SDK1: variants seen among roughly 807,000 people sequenced by gnomAD.
SDK1 encodes protein sidekick-1.
SDK1 carries 157 observed loss-of-function variants against 245.5 expected under a neutral mutation model. The observed-to-expected ratio is 0.64, with a 90% CI of 0.56 to 0.73. The LOEUF is 0.73. Ranked by LOEUF, SDK1 falls within the 30% of genes least tolerant of loss-of-function variation. SDK1 has a pLI of 0.00. For missense variants in SDK1, 3,583 were observed against 3,002.3 expected, an observed-to-expected ratio of 1.19 and a Z score of -4.52; for synonymous variants, 1,647 against 1,278.5, an observed-to-expected ratio of 1.29 and a Z score of -6.15.
intron 1 of SDK1, among the ~76,000 whole-genome samples, chr7:3,597,406 G>T (rs1781101588): frequency 6.6e-6 from 1 of 151,858 alleles, no homozygotes; most frequent in Non-Finnish European, 1.5e-5. Context: ...GTGTCATAAA[G>T]AGACTGAAAC....
intron 36 of SDK1, among the ~76,000 whole-genome samples, chr7:4,206,974 C>T (rs1441084205): frequency 1.3e-5 from 2 of 152,200 alleles, no homozygotes; most frequent in African/African-American, 4.8e-5. Flanking sequence ...GGAGGCATGG[C>T]GCTATTTATG....
At chr7:4,154,470 A>AT (rs1340449129) in intron 30 of SDK1, among the ~76,000 whole-genome samples, 4 of 152,286 alleles carry the variant, frequency 2.6e-5, no homozygotes, top group African/African-American at 9.6e-5. Flanking sequence ...GAGGTGAGGC[A>AT]TGGGGAATGA....
intron 1 of SDK1, among the ~76,000 whole-genome samples, chr7:3,313,188 C>G (rs1779589745): frequency 6.6e-6 from 1 of 152,178 alleles, no homozygotes. Flanking sequence ...GTGGGCAGAT[C>G]ACGAGGTCAA....
intron 40 of SDK1, chr7:4,233,036 G>T: frequency 3.9e-6 from 2 of 508,842 alleles, no homozygotes; most frequent in Non-Finnish European, 3.5e-6. Flanking sequence ...CAGTAGCATT[G>T]AGCACGTTGT....
At chr7:3,459,088 A>T (rs1336641137) in intron 1 of SDK1, among the ~76,000 whole-genome samples, 1 of 152,172 alleles carries the variant, frequency 6.6e-6, no homozygotes, top group Non-Finnish European at 1.5e-5. Context: ...CTATAGATTG[A>T]CCTGGGACAA....
At chr7:4,236,987 G>T (rs1469659917) in intron 41 of SDK1, among the ~76,000 whole-genome samples, 2 of 152,038 alleles carry the variant, frequency 1.3e-5, no homozygotes, top group African/African-American at 4.8e-5. Context: ...GCTCACTACA[G>T]CCTCGACCTC....
intron 5 of SDK1, among the ~76,000 whole-genome samples, chr7:3,905,004 A>ATAAT (rs371860033): frequency 1.4e-4 from 21 of 149,458 alleles, no homozygotes; most frequent in African/African-American, 5.2e-4. Context: ...AAAAAAAAAA[A>ATAAT]AAAAATAATA....
At chr7:3,994,751 T>TTA (rs2128142188) in intron 14 of SDK1, among the ~76,000 whole-genome samples, 1 of 152,360 alleles carries the variant, frequency 6.6e-6, no homozygotes, top group South Asian at 2.1e-4. Flanking sequence ...TCATGCATTT[T>TTA]TATCAAATCC....
chr7:3,438,505 A>G (rs1780095299), intron 1 of SDK1, among the ~76,000 whole-genome samples: 1 of 152,186 alleles, frequency 6.6e-6, no homozygotes. Context: ...GGACAGCTGC[A>G]GAGACACTGC....
At position 3,325,442 on chromosome 7, in the gene SDK1, A is replaced by G. The variant is rs532959006; in HGVS notation, c.298+23558A>G. Among the ~76,000 whole-genome samples the G allele has an allele frequency of 1.2e-3, 188 of 152,292 alleles. 1 individual carries two copies. Among genetic ancestry groups the G allele is most frequent in the Middle Eastern group, 3.4e-3 (1 of 294 alleles). ...TTGATATTCAACGAATACCAATTTA[A>G]GGAGAGAAACATAGATATACTTTTA... On this transcript the variant is annotated intron_variant, in intron 1 of 44. Transcript: ENST00000404826.
intron 4 of SDK1, among the ~76,000 whole-genome samples, chr7:3,801,156 C>T (rs1012145667): frequency 6.6e-6 from 1 of 152,202 alleles, no homozygotes; most frequent in African/African-American, 2.4e-5. Flanking sequence ...AGACACATCA[C>T]TATTTCATTT....
intron 5 of SDK1, among the ~76,000 whole-genome samples, chr7:3,869,270 C>T (rs1276080466): frequency 3.3e-5 from 5 of 151,726 alleles, no homozygotes; most frequent in Non-Finnish European, 7.4e-5. Flanking sequence ...ATTCTCCTGC[C>T]TCAGCCTTCC....
intron 5 of SDK1, among the ~76,000 whole-genome samples, chr7:3,900,270 C>A (rs561860279): frequency 1.2e-4 from 19 of 152,138 alleles, no homozygotes; most frequent in Non-Finnish European, 2.5e-4. Context: ...AAAGTGGTTC[C>A]CCTCAAATAT....
chr7:3,821,537 A>G lies in SDK1; in HGVS notation c.801A>G (p.Lys267=). The change falls in exon 5 of 45, where the codon AAA becomes AAG. Residue 267 remains lysine (K), a synonymous_variant. Transcript: ENST00000404826. ...GAYYVQAVNE[K]NGENKTSPFI... is the part of the protein sequence containing the mutation. ...ACTACGTGCAGGCCGTGAATGAGAA[A>G]AATGGAGAAAACAAGACAAGCCCAT... The G allele has an allele frequency of 6.2e-7, 1 of 1,613,910 alleles. No homozygotes were observed. Among genetic ancestry groups the G allele is most frequent in the African/African-American group, 1.3e-5 (1 of 75,042 alleles).
chr7:3,901,921 G>C (rs1781803630), intron 5 of SDK1, among the ~76,000 whole-genome samples: 1 of 152,134 alleles, frequency 6.6e-6, no homozygotes, highest in Admixed American at 6.5e-5. Context: ...CATTGTTTCA[G>C]ATTTGGCTGC....
intron 1 of SDK1, among the ~76,000 whole-genome samples, chr7:3,617,514 C>T (rs1284328565): frequency 6.6e-6 from 1 of 152,176 alleles, no homozygotes; most frequent in Non-Finnish European, 1.5e-5. Context: ...TGTCTCACTC[C>T]GTTTTCTGCT....
intron 1 of SDK1, among the ~76,000 whole-genome samples, chr7:3,358,262 T>C (rs1780860149): frequency 6.6e-6 from 1 of 152,160 alleles, no homozygotes; most frequent in Admixed American, 6.5e-5. Context: ...CCTCAAGTGA[T>C]CTGCCCGTCT....
intron 4 of SDK1, among the ~76,000 whole-genome samples, chr7:3,724,204 AT>A (rs1413190615): frequency 6.6e-6 from 1 of 151,952 alleles, no homozygotes; most frequent in Non-Finnish European, 1.5e-5. Context: ...ACCTCAGGTG[AT>A]CCACCCACCT....
intron 18 of SDK1, among the ~76,000 whole-genome samples, chr7:4,050,552 T>C (rs568579438): frequency 6.6e-6 from 1 of 152,348 alleles, no homozygotes; most frequent in Non-Finnish European, 1.5e-5. Flanking sequence ...CTAGAAATGT[T>C]TGGTGCCAAA....
Sources: allele counts gnomAD v4.1 joint callset (sites outside exome capture counted in the v4.1 genomes callset), GRCh38; gene constraint gnomAD v4.1.1; transcripts MANE v1.5; gene names NCBI Gene and HGNC (gene_info 2026-07-23, HGNC 2026-07-21).